PER3: variants seen among roughly 807,000 people sequenced by gnomAD.
PER3 encodes period circadian regulator 3, also known as period circadian protein homolog 3.
PER3 carries 107 observed loss-of-function variants against 127.2 expected under a neutral mutation model. That is an observed-to-expected ratio of 0.84 (90% CI 0.72 to 0.99). PER3 has a LOEUF of 0.99. Among genes scored for constraint, PER3 ranks in the 50% least tolerant of loss-of-function variants. The probability of loss-of-function intolerance (pLI) is 0.00; values close to 1 mark genes in which losing one functional copy is unlikely to be tolerated. For missense variants in PER3, 1,560 were observed against 1,525.8 expected (o/e 1.02, Z -0.37); for synonymous variants, 618 against 585.8 (o/e 1.05, Z -0.79).
Position 7,788,469 on chromosome 1 carries a change from A to G in PER3, c.592+223A>G, listed in dbSNP as rs2097102508. 7 of 535,354 alleles carry G rather than the reference A, an allele frequency of 1.3e-5. No individual in the cohort carries two copies. The East Asian group carries it at 2.1e-4, about 16-fold the overall frequency. 33.2% of individuals were successfully genotyped at this position (535,354 alleles called of 1,614,324 possible). A position where few individuals can be genotyped will look rare whatever the true frequency, so the allele number is the denominator to read the frequency against. On this transcript the variant is annotated intron_variant, in intron 5 of 21. Transcript: ENST00000377532. ...TTGTCACATCTGTTTCACAGATGATATGTCATAAATATTATTTCATTACCA... is the reference window on the plus strand; with the variant it reads ...TTGTCACATCTGTTTCACAGATGATGTGTCATAAATATTATTTCATTACCA...
At chr1:7,819,662 A>G (rs75439791) in intron 14 of PER3, among the ~76,000 whole-genome samples, 1 of 152,226 alleles carries the variant, frequency 6.6e-6, no homozygotes, top group Non-Finnish European at 1.5e-5. Flanking sequence ...AATTTTGTCA[A>G]AATTAAATGG....
At position 7,809,012 on chromosome 1, in the gene PER3, G is replaced by A. The variant is rs2097207758; in HGVS notation, c.1242+14G>A. 1.6e-6 allele frequency: 2 copies of A among 1,251,056 alleles called. No homozygotes were observed. Among genetic ancestry groups the A allele is most frequent in the Non-Finnish European group, 2.3e-6 (2 of 862,170 alleles). The allele number at this position is 1,251,056 out of a possible 1,614,324, so 77.5% of individuals were successfully genotyped here. A position where few individuals can be genotyped will look rare whatever the true frequency, so the allele number is the denominator to read the frequency against. ...CTTCTCTTACAGGTAAGGTGAGATT[G>A]TTAAAAATGCAAAGTTCCCTGAATT... is the stretch of plus-strand genomic sequence containing the variant. On this transcript the variant is annotated intron_variant, in intron 11 of 21. Transcript: ENST00000377532.
intron 16 of PER3, among the ~76,000 whole-genome samples, chr1:7,822,964 C>T (rs1341517764): frequency 6.6e-6 from 1 of 152,130 alleles, no homozygotes; most frequent in Non-Finnish European, 1.5e-5. Flanking sequence ...GAGGCTGAGA[C>T]AGGAGGATCA....
chr1:7,788,532 G>T (rs1473592561), intron 5 of PER3: 2 of 283,394 alleles, frequency 7.1e-6, no homozygotes, highest in Non-Finnish European at 1.3e-5. Context: ...TGAAGGCTCT[G>T]TTTCCTTTAA....
At position 7,801,141 on chromosome 1, in the gene PER3, C is replaced by T. The variant is rs2097169038; in HGVS notation, c.822C>T (p.Ile274=). 12 of 1,607,452 alleles carry T rather than the reference C, an allele frequency of 7.5e-6. No homozygotes were observed. Among genetic ancestry groups the T allele is most frequent in the African/African-American group, 4.0e-5 (3 of 74,584 alleles). Residue 274 remains isoleucine (I), a synonymous_variant, in exon 8 of 22, where the codon ATC becomes ATT. Transcript: ENST00000377532. ...CTCGGATCCCAGTGAATAAAAGAATCTTCACCACCACACACACCCCAGGGT... is the reference window on the plus strand; with the variant it reads ...CTCGGATCCCAGTGAATAAAAGAATTTTCACCACCACACACACCCCAGGGT... The part of the protein sequence containing the change: ...EAPRIPVNKR[I]FTTTHTPGCV...
At chr1:7,789,245 A>G (rs750511060) in intron 5 of PER3, among the ~76,000 whole-genome samples, 4 of 152,036 alleles carry the variant, frequency 2.6e-5, no homozygotes, top group Non-Finnish European at 1.5e-5. Flanking sequence ...ACTATCTGAT[A>G]TAGTTTGGCT....
At chr1:7,797,420 A>C (rs1013487907) in intron 6 of PER3, among the ~76,000 whole-genome samples, 1 of 152,194 alleles carries the variant, frequency 6.6e-6, no homozygotes, top group Non-Finnish European at 1.5e-5. Flanking sequence ...TGATCACCTG[A>C]GGTCAGGAGT....
At chr1:7,834,916 A>G (rs1194965295) in intron 19 of PER3, among the ~76,000 whole-genome samples, 1 of 152,214 alleles carries the variant, frequency 6.6e-6, no homozygotes, top group Non-Finnish European at 1.5e-5. Flanking sequence ...TAGGAAAGGA[A>G]TGATCCATAA....
chr1:7,797,923 C>G (rs1456511188), intron 6 of PER3, among the ~76,000 whole-genome samples: 1 of 152,164 alleles, frequency 6.6e-6, no homozygotes, highest in African/African-American at 2.4e-5. Flanking sequence ...CCGAGAGGTT[C>G]TTTGTGAGGA....
At chr1:7,816,669 C>A (rs980605931) in intron 13 of PER3, among the ~76,000 whole-genome samples, 2 of 152,094 alleles carry the variant, frequency 1.3e-5, no homozygotes, top group African/African-American at 4.8e-5. Flanking sequence ...TTTTAAAAAA[C>A]TGACAAGTGT....
At chr1:7,804,645 C>T (rs2097185310) in intron 10 of PER3, among the ~76,000 whole-genome samples, 1 of 152,046 alleles carries the variant, frequency 6.6e-6, no homozygotes, top group Admixed American at 6.6e-5. Flanking sequence ...AAGCATCCTC[C>T]TGCCTCAGCC....
chr1:7,787,986 C>T lies in PER3; in HGVS notation c.391-59C>T, dbSNP rs1175499138. Reference sequence around the variant, plus strand: ...AGAGATCCAGAAGAAATTTACCTTTCAGGGAATATTGCTAGTGAGTATCTC... The same window carrying T: ...AGAGATCCAGAAGAAATTTACCTTTTAGGGAATATTGCTAGTGAGTATCTC... On this transcript the variant is annotated intron_variant, in intron 4 of 21. Transcript: ENST00000377532. The T allele has an allele frequency of 4.0e-6, 5 of 1,244,262 alleles. No homozygotes were observed. In the East Asian group the frequency reaches 1.2e-4, roughly 29 times the overall value. 77.1% of individuals were successfully genotyped at this position (1,244,262 alleles called of 1,614,324 possible).
chr1:7,809,049 T>A, intron 11 of PER3, 51 bp downstream of exon 11: 1 of 862,874 alleles, frequency 1.2e-6, no homozygotes, highest in Non-Finnish European at 1.9e-6. Context: ...TGTTTTGTTT[T>A]AATGCTCAGT....
intron 16 of PER3, among the ~76,000 whole-genome samples, chr1:7,822,992 C>T (rs1372146806): frequency 6.6e-6 from 1 of 152,088 alleles, no homozygotes; most frequent in African/African-American, 2.4e-5. Flanking sequence ...CTAGCTTGAG[C>T]TCATCTTGGG....
intron 3 of PER3, among the ~76,000 whole-genome samples, chr1:7,786,128 C>T (rs1295865010): frequency 6.6e-6 from 1 of 152,112 alleles, no homozygotes; most frequent in Non-Finnish European, 1.5e-5. Context: ...TGGTGGCGGG[C>T]GCCTGTAGTC....
chr1:7,829,702 A>C, intron 18 of PER3, 132 bp from the exon 19 acceptor site: 1 of 696,466 alleles, frequency 1.4e-6, no homozygotes, highest in Non-Finnish European at 2.4e-6. Flanking sequence ...GGAATTTTCC[A>C]TTTACTATTT....
intron 8 of PER3, among the ~76,000 whole-genome samples, chr1:7,802,411 C>T (rs2097174438): frequency 6.6e-6 from 1 of 152,024 alleles, no homozygotes; most frequent in African/African-American, 2.4e-5. Context: ...TACAGGCACA[C>T]ACCACCACAC....
intron 10 of PER3, among the ~76,000 whole-genome samples, chr1:7,805,682 G>A (rs966768291): frequency 1.3e-5 from 2 of 152,094 alleles, no homozygotes; most frequent in East Asian, 1.9e-4. Context: ...CATGAAATCC[G>A]ATGGTTGCTT....
At chr1:7,825,737 C>A (rs937624911) in intron 16 of PER3, among the ~76,000 whole-genome samples, 3 of 152,040 alleles carry the variant, frequency 2.0e-5, no homozygotes, top group Non-Finnish European at 4.4e-5. Flanking sequence ...ACTAAAAATA[C>A]AAAATTAGCC....
Sources: allele counts gnomAD v4.1 joint callset (sites outside exome capture counted in the v4.1 genomes callset), GRCh38; gene constraint gnomAD v4.1.1; transcripts MANE v1.5; gene names NCBI Gene and HGNC (gene_info 2026-07-23, HGNC 2026-07-21).